The following SPIDR variants were observed in gnomAD, a reference collection of about 807,000 sequenced individuals.
The protein encoded by SPIDR is scaffold protein involved in DNA repair, also known as DNA repair-scaffolding protein.
Under a neutral mutation model 104.6 loss-of-function variants are expected in SPIDR, and 93 were observed. The observed-to-expected ratio is 0.89, with a 90% CI of 0.75 to 1.06. SPIDR has a LOEUF of 1.06. Among genes scored for constraint, SPIDR ranks in the 50% least tolerant of loss-of-function variants. SPIDR has a pLI of 0.00. For synonymous variants in SPIDR, 431 were observed against 416.9 expected (o/e 1.03, Z -0.41); for missense variants, 1,154 against 1,111.2 (o/e 1.04, Z -0.55).
intron 10 of SPIDR, among the ~76,000 whole-genome samples, chr8:47,654,604 A>T (rs564973783): frequency 6.6e-6 from 1 of 152,298 alleles, no homozygotes; most frequent in South Asian, 2.1e-4. Flanking sequence ...CTCATATAAC[A>T]CTTTGCCAAT....
At chr8:47,654,246 C>T in intron 10 of SPIDR, 2 of 1,181,914 alleles carry the variant, frequency 1.7e-6, no homozygotes, top group South Asian at 1.3e-5. Flanking sequence ...GTTTAAGAGA[C>T]AGGTTGGGAA....
At chr8:47,603,699 A>G (rs1348416872) in intron 10 of SPIDR, among the ~76,000 whole-genome samples, 1 of 152,072 alleles carries the variant, frequency 6.6e-6, no homozygotes, top group Non-Finnish European at 1.5e-5. Flanking sequence ...TACCCGGCCA[A>G]CTAATGTAAT....
intron 7 of SPIDR, among the ~76,000 whole-genome samples, chr8:47,413,951 T>G (rs903614030): frequency 6.6e-6 from 1 of 152,214 alleles, no homozygotes; most frequent in Non-Finnish European, 1.5e-5. Flanking sequence ...AAGTTAGGCT[T>G]AAGAAGACAA....
chr8:47,553,554 T>G (rs2090893897), intron 8 of SPIDR, among the ~76,000 whole-genome samples: 1 of 152,226 alleles, frequency 6.6e-6, no homozygotes, highest in Admixed American at 6.5e-5. Context: ...GAAGCTTGTG[T>G]GTGCATCACG....
chr8:47,547,055 G>A (rs1564291752), intron 8 of SPIDR: 4 of 519,808 alleles, frequency 7.7e-6, no homozygotes, highest in South Asian at 3.3e-5. Context: ...CCATCCACAG[G>A]TTACCAGTGT....
chr8:47,518,165 T>C (rs1472252595), intron 8 of SPIDR, among the ~76,000 whole-genome samples: 1 of 152,236 alleles, frequency 6.6e-6, no homozygotes, highest in Non-Finnish European at 1.5e-5. Context: ...CATAGATACA[T>C]TGGTCTGGCA....
chr8:47,540,523 T>C (rs1452801614), intron 8 of SPIDR, among the ~76,000 whole-genome samples: 1 of 152,228 alleles, frequency 6.6e-6, no homozygotes. Flanking sequence ...AGCCCTCTTC[T>C]GCCCCTGTGG....
chr8:47,692,505 T>C (rs886913559), intron 11 of SPIDR, among the ~76,000 whole-genome samples: 1 of 149,600 alleles, frequency 6.7e-6, no homozygotes, highest in Non-Finnish European at 1.5e-5. Flanking sequence ...TTTTTTTTTT[T>C]TTTTTCTTTG....
At chr8:47,568,093 A>C (rs1012198298) in intron 8 of SPIDR, among the ~76,000 whole-genome samples, 5 of 151,890 alleles carry the variant, frequency 3.3e-5, no homozygotes, top group Non-Finnish European at 5.9e-5. Context: ...TTATTTTCAA[A>C]ATGTATAACA....
Position 47,480,777 on chromosome 8 carries a change from G to C in SPIDR, c.1097+40235G>C, listed in dbSNP as rs536410958. Among the ~76,000 whole-genome samples, 4 of 152,178 alleles carry C rather than the reference G, an allele frequency of 2.6e-5. No individual in the cohort carries two copies. The East Asian group carries it at 5.8e-4, about 22-fold the overall frequency. On this transcript the variant is annotated intron_variant, in intron 8 of 19. Coordinates refer to ENST00000297423, the MANE Select transcript of SPIDR (RefSeq NM_001080394.4). ...TCCAGATGAGCCAAGTGAGCAGGAA[G>C]GGTCTCAGCATCTATTCCTGAGGCC... is the stretch of plus-strand genomic sequence containing the variant.
intron 8 of SPIDR, among the ~76,000 whole-genome samples, chr8:47,481,921 G>A (rs1309938759): frequency 6.6e-6 from 1 of 152,172 alleles, no homozygotes; most frequent in Non-Finnish European, 1.5e-5. Context: ...ATTGCAAATA[G>A]TTGATAATAT....
chr8:47,420,325 A>C lies in SPIDR; in HGVS notation c.877+12364A>C, dbSNP rs1345121192. Among the ~76,000 whole-genome samples the C allele has an allele frequency of 2.0e-5, 3 of 152,080 alleles. 1 individual carries two copies. The South Asian group carries it at 6.2e-4, about 32-fold the overall frequency. ...TGTATTAGGTGCATATATATTTAGGATAGTTAGCTCTTCTTGTTGAATTGA... is the reference window on the plus strand; with the variant it reads ...TGTATTAGGTGCATATATATTTAGGCTAGTTAGCTCTTCTTGTTGAATTGA... On this transcript the variant is annotated intron_variant, in intron 7 of 19. Transcript: ENST00000297423.
chr8:47,462,281 T>C (rs2074072559), intron 8 of SPIDR, among the ~76,000 whole-genome samples: 1 of 152,210 alleles, frequency 6.6e-6, no homozygotes, highest in African/African-American at 2.4e-5. Flanking sequence ...TTGAGGTTTC[T>C]CTGCCAACGA....
chr8:47,393,175 ACAACATT>A (rs1588112457), intron 5 of SPIDR, among the ~76,000 whole-genome samples: 1 of 152,248 alleles, frequency 6.6e-6, no homozygotes, highest in African/African-American at 2.4e-5. Flanking sequence ...CCATAGGCAC[ACAACATT>A]CACACATCAA....
intron 7 of SPIDR, among the ~76,000 whole-genome samples, chr8:47,437,362 C>A (rs542723757): frequency 2.0e-5 from 3 of 151,308 alleles, no homozygotes; most frequent in Non-Finnish European, 4.4e-5. Context: ...TTTGTTCTTG[C>A]GATAGTTTAC....
intron 8 of SPIDR, among the ~76,000 whole-genome samples, chr8:47,593,964 G>A (rs750946182): frequency 2.6e-5 from 4 of 152,058 alleles, no homozygotes; most frequent in African/African-American, 7.2e-5. Context: ...AGAGGGGCAG[G>A]GAGTGTTGCT....
intron 11 of SPIDR, among the ~76,000 whole-genome samples, chr8:47,685,497 A>ATTTTTTTTTTTT (rs1383864694): frequency 1.5e-4 from 17 of 113,192 alleles, no homozygotes; most frequent in Admixed American, 4.8e-4. Context: ...TTATTTATTT[A>ATTTTTTTTTTTT]TTTATTTATT....
chr8:47,500,105 A>G (rs1308611763), intron 8 of SPIDR, among the ~76,000 whole-genome samples: 1 of 152,178 alleles, frequency 6.6e-6, no homozygotes, highest in Non-Finnish European at 1.5e-5. Flanking sequence ...ATAAACATAC[A>G]TATGCATGTG....
intron 5 of SPIDR, among the ~76,000 whole-genome samples, chr8:47,353,077 T>G (rs1450506157): frequency 1.4e-5 from 2 of 140,134 alleles, no homozygotes; most frequent in Non-Finnish European, 3.2e-5. Flanking sequence ...AAAAAAAAAG[T>G]TATTCTTTCC....
Sources: gnomAD v4.1 joint callset for allele counts (sites outside exome capture counted in the v4.1 genomes callset) on GRCh38, gnomAD v4.1.1 for gene constraint, MANE v1.5 for transcripts, NCBI Gene and HGNC (gene_info 2026-07-23, HGNC 2026-07-21) for gene names.